CHMP3: variants seen among roughly 807,000 people sequenced by gnomAD.
The protein encoded by CHMP3 is charged multivesicular body protein 3, also known as 25.1 protein.
CHMP3 carries 8 observed loss-of-function variants against 27.4 expected under a neutral mutation model. The observed-to-expected ratio is 0.29, with a 90% confidence interval of 0.17 to 0.53. CHMP3 has a LOEUF of 0.53. CHMP3 is among the 20% of genes least tolerant of loss of function. The probability of loss-of-function intolerance (pLI) is 0.96; values close to 1 mark genes in which losing one functional copy is unlikely to be tolerated. For missense variants in CHMP3, 208 were observed against 271.5 expected (o/e 0.77, Z 1.64); for synonymous variants, 86 against 85.5 (o/e 1.01, Z -0.03).
intron 1 of CHMP3, among the ~76,000 whole-genome samples, chr2:86,553,246 A>G (rs1181034102): frequency 1.3e-5 from 2 of 152,052 alleles, no homozygotes; most frequent in African/African-American, 4.8e-5. Flanking sequence ...AGACAAAACC[A>G]TAACAAGGAA....
intron 3 of CHMP3, among the ~76,000 whole-genome samples, chr2:86,528,414 G>A (rs916162153): frequency 1.3e-5 from 2 of 152,060 alleles, no homozygotes; most frequent in East Asian, 3.8e-4. Flanking sequence ...GCTCACTGTG[G>A]CCTCAAACCC....
chr2:86,526,906 T>C (rs996860536), intron 3 of CHMP3: 3 of 151,912 alleles, frequency 2.0e-5, no homozygotes. Context: ...AAAACGATGA[T>C]AAATGGAGCA....
At chr2:86,528,001 A>AT (rs1675781297) in intron 3 of CHMP3, among the ~76,000 whole-genome samples, 4 of 152,060 alleles carry the variant, frequency 2.6e-5, no homozygotes, top group Admixed American at 1.3e-4. Flanking sequence ...ATCTTGATAG[A>AT]TTTTTTAAAG....
intron 1 of CHMP3, among the ~76,000 whole-genome samples, chr2:86,559,168 C>T (rs534734173): frequency 6.6e-6 from 1 of 152,292 alleles, no homozygotes; most frequent in East Asian, 1.9e-4. Context: ...AGGGTCTGGA[C>T]ATAACAAAAA....
At chr2:86,558,981 T>C (rs1396382006) in intron 1 of CHMP3, among the ~76,000 whole-genome samples, 1 of 152,158 alleles carries the variant, frequency 6.6e-6, no homozygotes, top group Non-Finnish European at 1.5e-5. Context: ...ATTTCCCATC[T>C]GTGATGGTTA....
At position 86,510,463 on chromosome 2, in the gene CHMP3, A is replaced by T. The variant is rs774013570; in HGVS notation, c.303T>A (p.Ala101=). ...MKNQLAVLRV[A]GSLQKSTEVM... is the part of the protein sequence containing the mutation. ...CTTCTGTGCTCTTCTGCAGGGAACC[A>T]GCCACTCGCAAGACCGCTGAAAGAG... Residue 101 remains alanine, a synonymous_variant, in exon 4 of 6, where the codon GCT becomes GCA. Coordinates refer to ENST00000263856, the MANE Select transcript of CHMP3 (RefSeq NM_016079.4). 61 of 1,613,170 alleles carry T rather than the reference A, an allele frequency of 3.8e-5. No homozygotes were observed. The highest frequency in any genetic ancestry group is 4.7e-5 in the Non-Finnish European group (55 of 1,180,022).
At chr2:86,524,597 T>G (rs1191945462) in intron 3 of CHMP3, among the ~76,000 whole-genome samples, 1 of 152,196 alleles carries the variant, frequency 6.6e-6, no homozygotes, top group Non-Finnish European at 1.5e-5. Context: ...GTAGGTTATA[T>G]GCAAATACTA....
chr2:86,511,088 C>G (rs1045165378), intron 3 of CHMP3: 4 of 152,214 alleles, frequency 2.6e-5, no homozygotes, highest in Non-Finnish European at 5.9e-5. Context: ...GATCATTGCC[C>G]CACCCTCAAT....
chr2:86,562,798 A>C (rs1195964738), intron 1 of CHMP3: 2 of 153,210 alleles, frequency 1.3e-5, no homozygotes, highest in Non-Finnish European at 2.9e-5. Flanking sequence ...TAGGGTCAAC[A>C]CAAGGGCTGG....
chr2:86,532,200 A>C (rs1254838101), intron 2 of CHMP3, among the ~76,000 whole-genome samples: 1 of 152,090 alleles, frequency 6.6e-6, no homozygotes, highest in African/African-American at 2.4e-5. Context: ...GTATTTGATT[A>C]TTTTTGATGC....
intron 1 of CHMP3, 176 bp downstream of exon 1, chr2:86,563,128 C>A (rs1235288677): frequency 7.5e-6 from 5 of 666,158 alleles, no homozygotes; most frequent in Non-Finnish European, 1.3e-5. Flanking sequence ...GCTCTCGCGT[C>A]CCACAGCCGA....
intron 3 of CHMP3, among the ~76,000 whole-genome samples, chr2:86,520,406 T>A (rs1468804820): frequency 6.6e-6 from 1 of 152,032 alleles, no homozygotes; most frequent in Non-Finnish European, 1.5e-5. Context: ...GGGGAGGTGC[T>A]ATACACTTTC....
At chr2:86,550,772 AAC>A (rs1676877849) in intron 1 of CHMP3, among the ~76,000 whole-genome samples, 1 of 152,212 alleles carries the variant, frequency 6.6e-6, no homozygotes, top group African/African-American at 2.4e-5. Context: ...ATCTGTATGG[AAC>A]ATGTAGACTT....
chr2:86,524,992 AT>A (rs1313978227), intron 3 of CHMP3, among the ~76,000 whole-genome samples: 1 of 152,166 alleles, frequency 6.6e-6, no homozygotes, highest in Non-Finnish European at 1.5e-5. Flanking sequence ...TCCTCTACTT[AT>A]TTACAGAGTG....
intron 5 of CHMP3, 133 bp from the exon 6 acceptor site, chr2:86,506,082 G>C: frequency 1.8e-6 from 2 of 1,094,000 alleles, no homozygotes; most frequent in South Asian, 3.7e-5. Context: ...TTTTTGGGGG[G>C]GTTTACTCAC....
intron 3 of CHMP3, chr2:86,511,694 TTATTA>T (rs1255813144): frequency 4.6e-5 from 7 of 152,098 alleles, no homozygotes; most frequent in Non-Finnish European, 8.8e-5. Context: ...TGTAGTTGTA[TTATTA>T]TTTTATAATT....
At chr2:86,562,635 T>C (rs1443790422) in intron 1 of CHMP3, 1 of 152,218 alleles carries the variant, frequency 6.6e-6, no homozygotes, top group African/African-American at 2.4e-5. Flanking sequence ...AAGGCAGGAT[T>C]CAAACTTAGG....
chr2:86,556,275 T>C (rs55708554), intron 1 of CHMP3, among the ~76,000 whole-genome samples: 10,827 of 152,250 alleles, frequency 0.071, 518 homozygotes, highest in East Asian at 0.14. Context: ...TTTGCATATC[T>C]TTCAAGACAA....
In CHMP3 at chr2:86,505,647, A is replaced by T. The variant is rs1674859622; in HGVS notation, c.*157T>A. ...TATTTATGCCACTTTTATAAGAACAATCCCTTTGCGATCCCAAAACCTGGG... is the reference window on the plus strand; with the variant it reads ...TATTTATGCCACTTTTATAAGAACATTCCCTTTGCGATCCCAAAACCTGGG... On this transcript the variant is annotated 3_prime_UTR_variant, in exon 6 of 6. Coordinates refer to ENST00000263856, the MANE Select transcript of CHMP3 (RefSeq NM_016079.4). 8.1e-6 allele frequency: 8 copies of T among 990,156 alleles called. No individual in the cohort carries two copies. The Admixed American group carries it at 2.4e-4, about 30-fold the overall frequency. The allele number at this position is 990,156 out of a possible 1,614,324, so 61.3% of individuals were successfully genotyped here.
Sources: allele counts gnomAD v4.1 joint callset (sites outside exome capture counted in the v4.1 genomes callset), GRCh38; gene constraint gnomAD v4.1.1; transcripts MANE v1.5; gene names NCBI Gene and HGNC (gene_info 2026-07-23, HGNC 2026-07-21).